UBE3D: variants seen among roughly 807,000 people sequenced by gnomAD.
UBE3D encodes the protein E3 ubiquitin-protein ligase E3D.
A neutral mutation model predicts 49.6 loss-of-function variants in UBE3D; 48 were observed. That is an observed-to-expected ratio of 0.97 (90% CI 0.77 to 1.23). The LOEUF (loss-of-function observed/expected upper bound fraction) is 1.23, where lower values mean the gene tolerates loss of function less well. Ranked by LOEUF, UBE3D falls within the 50% of genes most tolerant of loss-of-function variation. The probability of loss-of-function intolerance (pLI) is 0.00; values close to 1 mark genes in which losing one functional copy is unlikely to be tolerated. For synonymous variants in UBE3D, 189 were observed against 174.2 expected (o/e 1.08, Z -0.67); for missense variants, 452 against 468.4 (o/e 0.96, Z 0.32).
intron 8 of UBE3D, among the ~76,000 whole-genome samples, chr6:83,006,120 G>A (rs1562176755): frequency 6.6e-6 from 1 of 152,162 alleles, no homozygotes; most frequent in Non-Finnish European, 1.5e-5. Flanking sequence ...AGCTACTTGG[G>A]AGGCTGAGGC....
intron 1 of UBE3D, among the ~76,000 whole-genome samples, chr6:83,065,295 A>G (rs1226146706): frequency 6.6e-6 from 1 of 152,220 alleles, no homozygotes; most frequent in African/African-American, 2.4e-5. Flanking sequence ...GTTTTGTTGG[A>G]AACGCCGGGC....
intron 9 of UBE3D, among the ~76,000 whole-genome samples, chr6:82,948,401 C>G (rs1476929664): frequency 6.6e-6 from 1 of 151,834 alleles, no homozygotes; most frequent in Non-Finnish European, 1.5e-5. Flanking sequence ...AAGCCCAGGA[C>G]CTGATGGCTT....
chr6:83,062,672 T>C (rs1289438507), intron 1 of UBE3D, among the ~76,000 whole-genome samples: 2 of 152,214 alleles, frequency 1.3e-5, no homozygotes, highest in African/African-American at 4.8e-5. Context: ...AAAACTAGCA[T>C]ACAGTTTTAT....
intron 9 of UBE3D, among the ~76,000 whole-genome samples, chr6:82,926,698 CT>C (rs1773774473): frequency 1.3e-5 from 2 of 152,054 alleles, no homozygotes. Context: ...TGTGTAGTAT[CT>C]TTTCATATGT....
At chr6:83,040,904 GA>G (rs1230478430) in intron 4 of UBE3D, among the ~76,000 whole-genome samples, 3 of 152,198 alleles carry the variant, frequency 2.0e-5, no homozygotes, top group African/African-American at 7.2e-5. Context: ...AGAAACCTAG[GA>G]AGGTGCCAAT....
Position 83,043,225 on chromosome 6 carries a change from T to G in UBE3D, c.597+1203A>C, listed in dbSNP as rs9361988. Among the ~76,000 whole-genome samples the G allele has an allele frequency of 7.2e-4, 110 of 152,292 alleles. 2 individuals are homozygous for G. The East Asian group carries it at 0.021, about 29-fold the overall frequency. On this transcript the variant is annotated intron_variant, in intron 4 of 9. Coordinates refer to ENST00000369747, the MANE Select transcript of UBE3D (RefSeq NM_198920.3). ...AAAAGGGAAACATGGTTTCTCTGAT[T>G]CAATCTTTCTCTACTACTTTTCTGC...
chr6:82,985,684 C>CTGAT (rs1778434035), intron 8 of UBE3D, among the ~76,000 whole-genome samples: 1 of 152,092 alleles, frequency 6.6e-6, no homozygotes, highest in South Asian at 2.1e-4. Flanking sequence ...TTTTAAACCT[C>CTGAT]TGATCTATTT....
chr6:82,948,334 A>G (rs933983063), intron 9 of UBE3D, among the ~76,000 whole-genome samples: 1 of 151,988 alleles, frequency 6.6e-6, no homozygotes, highest in Admixed American at 6.6e-5. Context: ...ACCATGAAAA[A>G]ACCCTGAACA....
chr6:83,031,339 T>C (rs1440598037), intron 5 of UBE3D, among the ~76,000 whole-genome samples: 5 of 152,300 alleles, frequency 3.3e-5, no homozygotes, highest in Admixed American at 1.3e-4. Flanking sequence ...CAGTAAAGCA[T>C]TCAAGAAGTG....
At chr6:82,884,284 C>T in the UBE3D span, among the ~76,000 whole-genome samples, 26 of 152,226 alleles carry the variant, frequency 1.7e-4, no homozygotes, top group East Asian at 4.8e-3. Context: ...CACTCTTTTG[C>T]TCCATTGGAG....
the UBE3D span, among the ~76,000 whole-genome samples, chr6:82,885,161 GA>G: frequency 6.6e-4 from 95 of 144,228 alleles, no homozygotes; most frequent in African/African-American, 1.3e-3. Context: ...AAGTAGAATA[GA>G]AAAAAAAAAA....
intron 9 of UBE3D, among the ~76,000 whole-genome samples, chr6:82,904,219 T>G (rs980340913): frequency 6.6e-6 from 1 of 152,142 alleles, no homozygotes; most frequent in Non-Finnish European, 1.5e-5. Flanking sequence ...TGAACCAATT[T>G]TTTATCATCA....
At chr6:83,009,302 A>G (rs1350124592) in intron 8 of UBE3D, among the ~76,000 whole-genome samples, 1 of 152,144 alleles carries the variant, frequency 6.6e-6, no homozygotes, top group Non-Finnish European at 1.5e-5. Flanking sequence ...ACCAATAGGT[A>G]AATAATGATT....
chr6:82,940,768 A>G (rs1389262602), intron 9 of UBE3D, among the ~76,000 whole-genome samples: 1 of 152,212 alleles, frequency 6.6e-6, no homozygotes, highest in Admixed American at 6.5e-5. Context: ...TGGGAAAAGT[A>G]TATGTCTTCA....
intron 8 of UBE3D, among the ~76,000 whole-genome samples, chr6:82,971,320 C>T (rs1012775756): frequency 4.1e-4 from 63 of 151,978 alleles, no homozygotes; most frequent in Non-Finnish European, 7.2e-4. Context: ...GGCTGAGAAA[C>T]GCATTTCTAA....
Position 82,957,326 on chromosome 6 carries a change from C to T in UBE3D, c.1135G>A (p.Val379Met), listed in dbSNP as rs7739323. The T allele has an allele frequency of 0.16, 251,671 of 1,612,580 alleles. 19,957 individuals are homozygous for T. The highest frequency in any genetic ancestry group is 0.17 in the African/African-American group (12,925 of 74,870). ...NANLPSSLRRVNSFQVAFLKM is the reference protein window; with the variant it reads ...NANLPSSLRRMNSFQVAFLKM ...CCATTGCTCACCTGAAAGGAATTCA[C>T]ACGGCGAAGGGATGAAGGCAGATTG... The change falls in exon 9 of 10, where the codon GTG becomes ATG. Residue 379 changes from valine to methionine, a missense_variant. Physicochemically the swap from Val to Met is conservative, Grantham distance 21 (BLOSUM62 1). Transcript: ENST00000369747.
At chr6:82,960,846 A>G (rs1283423424) in intron 8 of UBE3D, among the ~76,000 whole-genome samples, 1 of 152,096 alleles carries the variant, frequency 6.6e-6, no homozygotes, top group Non-Finnish European at 1.5e-5. Flanking sequence ...TGACATTTGT[A>G]TGTTCAATAA....
chr6:83,040,383 C>T (rs1465676363), intron 4 of UBE3D, among the ~76,000 whole-genome samples: 1 of 46,152 alleles, frequency 2.2e-5, no homozygotes, highest in East Asian at 1.4e-3. Flanking sequence ...GACTGACTCT[C>T]TCTCTCTCTC....
At chr6:83,004,277 A>C (rs1213773539) in intron 8 of UBE3D, among the ~76,000 whole-genome samples, 1 of 152,218 alleles carries the variant, frequency 6.6e-6, no homozygotes. Flanking sequence ...GAGGAAAAAT[A>C]TACATTCACA....
Sources: allele counts gnomAD v4.1 joint callset (sites outside exome capture counted in the v4.1 genomes callset), GRCh38; gene constraint gnomAD v4.1.1; transcripts MANE v1.5; gene names NCBI Gene and HGNC (gene_info 2026-07-23, HGNC 2026-07-21).